Variants in MACROD2 observed in about 807,000 individuals in gnomAD.
MACROD2 encodes mono-ADP ribosylhydrolase 2, also known as ADP-ribose glycohydrolase MACROD2.
Under a neutral mutation model 70.4 loss-of-function variants are expected in MACROD2, and 36 were observed. The ratio of observed to expected loss-of-function variants is 0.51; its 90% CI spans 0.39 to 0.68. MACROD2 has a LOEUF of 0.68. Ranked by LOEUF, MACROD2 falls within the 30% of genes least tolerant of loss-of-function variation. The pLI is 0.00. For missense variants in MACROD2, 496 were observed against 538.4 expected (o/e 0.92, Z 0.78); for synonymous variants, 172 against 178.8 (o/e 0.96, Z 0.30).
At chr20:15,355,344 T>C (rs1201089165) in intron 6 of MACROD2, among the ~76,000 whole-genome samples, 1 of 152,136 alleles carries the variant, frequency 6.6e-6, no homozygotes, top group Non-Finnish European at 1.5e-5. Flanking sequence ...ACACCTATAA[T>C]TACAGTTTAT....
intron 3 of MACROD2, among the ~76,000 whole-genome samples, chr20:14,149,694 A>G (rs1021962503): frequency 1.3e-5 from 2 of 152,056 alleles, no homozygotes; most frequent in African/African-American, 2.4e-5. Flanking sequence ...CTGGTGTGAG[A>G]TGGTATCTCA....
intron 5 of MACROD2, among the ~76,000 whole-genome samples, chr20:15,055,053 G>T (rs1251670923): frequency 6.7e-6 from 1 of 148,884 alleles, no homozygotes; most frequent in African/African-American, 2.5e-5. Context: ...GGGTTCAAGT[G>T]ATTCTCCTGC....
At chr20:14,083,812 G>T (rs769936727) in intron 2 of MACROD2, among the ~76,000 whole-genome samples, 7 of 151,918 alleles carry the variant, frequency 4.6e-5, no homozygotes, top group African/African-American at 7.3e-5. Flanking sequence ...CAGGCGCGGT[G>T]GCTCACGCTT....
chr20:14,705,113 C>A (rs2071253761), intron 5 of MACROD2, among the ~76,000 whole-genome samples: 1 of 152,006 alleles, frequency 6.6e-6, no homozygotes, highest in African/African-American at 2.4e-5. Context: ...ATTATATCTA[C>A]TTACATAGCA....
At chr20:14,358,074 A>C (rs983549540) in intron 3 of MACROD2, among the ~76,000 whole-genome samples, 1 of 152,244 alleles carries the variant, frequency 6.6e-6, no homozygotes, top group Non-Finnish European at 1.5e-5. Context: ...GTTCATTTTA[A>C]AAAGCAAAGA....
At chr20:14,133,281 A>C (rs6042542) in intron 3 of MACROD2, among the ~76,000 whole-genome samples, 1,947 of 152,320 alleles carry the variant, frequency 0.013, 41 homozygotes, top group African/African-American at 0.044. Context: ...CTCATCAGGA[A>C]CCTAGGCTAA....
chr20:15,170,765 T>C (rs1601171871), intron 5 of MACROD2, among the ~76,000 whole-genome samples: 1 of 152,234 alleles, frequency 6.6e-6, no homozygotes, highest in Non-Finnish European at 1.5e-5. Flanking sequence ...TTTTCAGTTG[T>C]CACAGGGAAG....
chr20:14,687,488 G>A (rs1215855338), intron 5 of MACROD2, among the ~76,000 whole-genome samples: 2 of 152,222 alleles, frequency 1.3e-5, no homozygotes, highest in East Asian at 1.9e-4. Flanking sequence ...ACAAAGATCA[G>A]TGAGTCAATA....
intron 12 of MACROD2, among the ~76,000 whole-genome samples, chr20:15,959,031 A>G (rs1436842371): frequency 6.6e-6 from 1 of 152,232 alleles, no homozygotes; most frequent in Non-Finnish European, 1.5e-5. Context: ...CAATATAGTC[A>G]TTGCGTTAGG....
At chr20:14,993,452 TC>T (rs2074923552) in intron 5 of MACROD2, among the ~76,000 whole-genome samples, 1 of 152,110 alleles carries the variant, frequency 6.6e-6, no homozygotes, top group Non-Finnish European at 1.5e-5. Flanking sequence ...TTTAAGATCT[TC>T]CCATTTTCTG....
intron 4 of MACROD2, among the ~76,000 whole-genome samples, chr20:14,676,189 C>G (rs946154325): frequency 4.6e-5 from 7 of 152,114 alleles, no homozygotes; most frequent in Admixed American, 4.6e-4. Context: ...AGCTGTGGAC[C>G]AAACGGACCT....
intron 4 of MACROD2, among the ~76,000 whole-genome samples, chr20:14,507,376 C>T (rs2123138411): frequency 6.6e-6 from 1 of 152,062 alleles, no homozygotes; most frequent in East Asian, 1.9e-4. Context: ...CACCAGAGAC[C>T]AGTGGGGCGA....
At chr20:14,912,119 C>T (rs546706519) in intron 5 of MACROD2, among the ~76,000 whole-genome samples, 1 of 152,268 alleles carries the variant, frequency 6.6e-6, no homozygotes, top group South Asian at 2.1e-4. Flanking sequence ...ACTGCGTACC[C>T]ATCCTCAACT....
At chr20:15,279,996 A>T (rs2077428771) in intron 6 of MACROD2, among the ~76,000 whole-genome samples, 1 of 152,156 alleles carries the variant, frequency 6.6e-6, no homozygotes, top group Non-Finnish European at 1.5e-5. Flanking sequence ...CAGAGAAAAG[A>T]CTCCACAAAT....
intron 6 of MACROD2, among the ~76,000 whole-genome samples, chr20:15,378,914 G>A: frequency 6.6e-6 from 1 of 152,172 alleles, no homozygotes; most frequent in South Asian, 2.1e-4. Context: ...TGACTGCATG[G>A]TGACTCTCGT....
chr20:14,532,027 A>G (rs972865377), intron 4 of MACROD2, among the ~76,000 whole-genome samples: 5 of 152,080 alleles, frequency 3.3e-5, no homozygotes, highest in African/African-American at 7.2e-5. Context: ...TCTTTACCAT[A>G]TGGTGATTTC....
intron 5 of MACROD2, among the ~76,000 whole-genome samples, chr20:14,843,494 A>G (rs2073108060): frequency 6.6e-6 from 1 of 152,012 alleles, no homozygotes; most frequent in Non-Finnish European, 1.5e-5. Context: ...TTCTCTTCTT[A>G]CTTTTCCACT....
chr20:15,729,478 G>A (rs1215856109), intron 8 of MACROD2, among the ~76,000 whole-genome samples: 1 of 152,150 alleles, frequency 6.6e-6, no homozygotes, highest in Non-Finnish European at 1.5e-5. Context: ...AATAATGTCA[G>A]TGGGGTGTGG....
chr20:14,923,460 CA>C (rs901586637), intron 5 of MACROD2, among the ~76,000 whole-genome samples: 13 of 151,996 alleles, frequency 8.6e-5, no homozygotes, highest in East Asian at 1.9e-4. Flanking sequence ...CACTTACTTT[CA>C]AAAAATACAT....
Sources: gnomAD v4.1 joint callset for allele counts (sites outside exome capture counted in the v4.1 genomes callset) on GRCh38, gnomAD v4.1.1 for gene constraint, MANE v1.5 for transcripts, NCBI Gene and HGNC (gene_info 2026-07-23, HGNC 2026-07-21) for gene names.